The following PTPRN2 variants were observed in gnomAD, a reference collection of about 807,000 sequenced individuals.
PTPRN2 encodes protein tyrosine phosphatase receptor type N2.
A neutral mutation model predicts 118.8 loss-of-function variants in PTPRN2; 74 were observed. The observed-to-expected ratio is 0.62, with a 90% CI of 0.52 to 0.76. The LOEUF (loss-of-function observed/expected upper bound fraction) is 0.76. Among genes scored for constraint, PTPRN2 ranks in the 30% least tolerant of loss-of-function variants. PTPRN2 has a pLI of 0.00. For missense variants in PTPRN2, 1,481 were observed against 1,394.4 expected (o/e 1.06, Z -0.99); for synonymous variants, 641 against 608.0 (o/e 1.05, Z -0.80).
intron 5 of PTPRN2, among the ~76,000 whole-genome samples, chr7:158,182,221 A>G (rs998523846): frequency 6.6e-6 from 1 of 152,216 alleles, no homozygotes; most frequent in Non-Finnish European, 1.5e-5. Flanking sequence ...TGTGTAGTTT[A>G]AAAAATTCCT....
chr7:158,060,436 G>A (rs1261210199), intron 11 of PTPRN2, among the ~76,000 whole-genome samples: 3 of 152,168 alleles, frequency 2.0e-5, no homozygotes, highest in Non-Finnish European at 2.9e-5. Context: ...CAGCTCCCAC[G>A]GCTGTGGCGG....
chr7:158,355,803 G>A (rs549491088), intron 2 of PTPRN2, among the ~76,000 whole-genome samples: 15 of 152,300 alleles, frequency 9.8e-5, no homozygotes, highest in African/African-American at 2.6e-4. Flanking sequence ...GAGCGTGAGC[G>A]TGAACCCCAA....
chr7:158,498,675 T>C (rs1314368453), intron 1 of PTPRN2, among the ~76,000 whole-genome samples: 1 of 152,136 alleles, frequency 6.6e-6, no homozygotes, highest in Non-Finnish European at 1.5e-5. Flanking sequence ...AACCTTGCTT[T>C]CACAGATAAA....
chr7:158,340,717 C>G (rs1460785911), intron 2 of PTPRN2, among the ~76,000 whole-genome samples: 1 of 61,186 alleles, frequency 1.6e-5, no homozygotes, highest in Non-Finnish European at 3.6e-5. Flanking sequence ...GTCACTCACA[C>G]CCACACTCAC....
chr7:157,582,800 G>A (rs1800466691), intron 17 of PTPRN2, among the ~76,000 whole-genome samples: 1 of 151,948 alleles, frequency 6.6e-6, no homozygotes, highest in Non-Finnish European at 1.5e-5. Context: ...CTTGAACCTA[G>A]GAGGCGGAGG....
intron 3 of PTPRN2, among the ~76,000 whole-genome samples, chr7:158,252,495 C>A (rs192674007): frequency 4.6e-5 from 7 of 152,208 alleles, no homozygotes; most frequent in Admixed American, 3.9e-4. Flanking sequence ...CCTGATAGCC[C>A]GGAGCCCTAT....
At chr7:157,593,234 G>A (rs923005196) in intron 17 of PTPRN2, among the ~76,000 whole-genome samples, 12 of 151,098 alleles carry the variant, frequency 7.9e-5, no homozygotes, top group African/African-American at 2.4e-4. Context: ...GAGGGTGGAT[G>A]TGGGCATCAT....
At chr7:158,233,943 T>C (rs1475148233) in intron 3 of PTPRN2, among the ~76,000 whole-genome samples, 2 of 152,166 alleles carry the variant, frequency 1.3e-5, no homozygotes, top group Non-Finnish European at 2.9e-5. Context: ...ACAAGACTCC[T>C]ATGTCTCACC....
intron 11 of PTPRN2, among the ~76,000 whole-genome samples, chr7:157,901,706 C>A (rs111688871): frequency 0.037 from 3,406 of 92,226 alleles, 178 homozygotes; most frequent in African/African-American, 0.15. Flanking sequence ...CGAAGTGGGG[C>A]CTTCCCGTCC....
Position 158,555,882 on chromosome 7 carries a change from A to G in PTPRN2, c.112+31676T>C, listed in dbSNP as rs538064733. Among the ~76,000 whole-genome samples, 3 of 152,330 alleles carry G rather than the reference A, an allele frequency of 2.0e-5. No homozygotes were observed. The South Asian group carries it at 6.2e-4, about 32-fold the overall frequency. ...TCGCAGAGAACAAAATCTGTGAACA[A>G]TAATCACAACATGGCACACACAACA... On this transcript the variant is annotated intron_variant, in intron 1 of 22. Coordinates refer to ENST00000389418, the MANE Select transcript of PTPRN2 (RefSeq NM_002847.5). The surrounding 1 kb of genome is among the most constrained non-coding windows in gnomAD (Gnocchi z 4.7).
chr7:157,843,447 G>C (rs927719811), intron 12 of PTPRN2, among the ~76,000 whole-genome samples: 2 of 152,220 alleles, frequency 1.3e-5, no homozygotes, highest in African/African-American at 4.8e-5. Context: ...CCACTGCCTG[G>C]CTGTGCGTTC....
chr7:158,111,545 G>A (rs1023388647), intron 9 of PTPRN2, among the ~76,000 whole-genome samples: 4 of 152,188 alleles, frequency 2.6e-5, no homozygotes, highest in Non-Finnish European at 5.9e-5. Context: ...GTCACAAGTT[G>A]CCTGTGAAAT....
At chr7:158,221,880 C>T (rs1156295804) in intron 3 of PTPRN2, among the ~76,000 whole-genome samples, 1 of 151,864 alleles carries the variant, frequency 6.6e-6, no homozygotes, top group Non-Finnish European at 1.5e-5. Context: ...AATTATTCAA[C>T]AAGAAAAAAG....
chr7:158,166,817 G>A (rs1308984664), intron 6 of PTPRN2, 114 bp downstream of exon 6: 1 of 1,284,202 alleles, frequency 7.8e-7, no homozygotes, highest in African/African-American at 1.5e-5. Flanking sequence ...CGCGTCCTCG[G>A]GGGAGTGCGG....
chr7:157,755,341 T>G (rs1028999441), intron 12 of PTPRN2, among the ~76,000 whole-genome samples: 1 of 152,234 alleles, frequency 6.6e-6, no homozygotes, highest in Non-Finnish European at 1.5e-5. Flanking sequence ...CAGTAGCTTC[T>G]GATGATGTTT....
At chr7:157,556,706 T>C (rs1376404112) in intron 21 of PTPRN2, among the ~76,000 whole-genome samples, 1 of 139,618 alleles carries the variant, frequency 7.2e-6, no homozygotes. Flanking sequence ...CACACACATA[T>C]ACACATGTGT....
chr7:158,505,911 A>T (rs1822712183), intron 1 of PTPRN2, among the ~76,000 whole-genome samples: 1 of 152,354 alleles, frequency 6.6e-6, no homozygotes, highest in Non-Finnish European at 1.5e-5. Flanking sequence ...TGTTAACAAC[A>T]CACTGAGTAC....
At chr7:158,572,050 C>G (rs1357133782) in intron 1 of PTPRN2, among the ~76,000 whole-genome samples, 3 of 152,132 alleles carry the variant, frequency 2.0e-5, no homozygotes, top group Admixed American at 2.0e-4. Flanking sequence ...TTCTGAAAGG[C>G]AGGGAAGGTT....
At chr7:157,708,084 C>T (rs1259643752) in intron 12 of PTPRN2, among the ~76,000 whole-genome samples, 1 of 152,242 alleles carries the variant, frequency 6.6e-6, no homozygotes, top group African/African-American at 2.4e-5. Flanking sequence ...GCTGGCTGCT[C>T]TGCAAGGAAG....
Sources: gnomAD v4.1 joint callset for allele counts (sites outside exome capture counted in the v4.1 genomes callset) on GRCh38, gnomAD v4.1.1 for gene constraint, Gnocchi (gnomAD v3.1) non-coding constraint, MANE v1.5 for transcripts, NCBI Gene and HGNC (gene_info 2026-07-23, HGNC 2026-07-21) for gene names.